PCDH9: variants seen among roughly 807,000 people sequenced by gnomAD.
The protein encoded by PCDH9 is protocadherin-9.
In PCDH9, 24 loss-of-function variants were observed where a neutral mutation model predicts 70.6. The observed-to-expected ratio is 0.34, with a 90% confidence interval of 0.25 to 0.48. The LOEUF is 0.48. Among genes scored for constraint, PCDH9 ranks in the 20% least tolerant of loss-of-function variants. The pLI is 0.99. For missense variants in PCDH9, 1,281 were observed against 1,503.6 expected (o/e 0.85, Z 2.45); for synonymous variants, 562 against 558.5 (o/e 1.01, Z -0.09).
chr13:67,099,988 C>T (rs1255072853), intron 2 of PCDH9, among the ~76,000 whole-genome samples: 1 of 152,114 alleles, frequency 6.6e-6, no homozygotes, highest in African/African-American at 2.4e-5. Context: ...ACACACTCTT[C>T]CTCGTGATGT....
At chr13:66,666,710 AT>A (rs2139029248) in intron 3 of PCDH9, among the ~76,000 whole-genome samples, 1 of 152,316 alleles carries the variant, frequency 6.6e-6, no homozygotes, top group East Asian at 1.9e-4. Flanking sequence ...ATTAATACTG[AT>A]TCAAAATACA....
chr13:66,953,052 G>A (rs1293613293), intron 2 of PCDH9, among the ~76,000 whole-genome samples: 1 of 150,332 alleles, frequency 6.7e-6, no homozygotes, highest in African/African-American at 2.4e-5. Flanking sequence ...TGTAATTAAA[G>A]CATATGAATT....
chr13:67,071,888 C>CAAAAAAAAAAAAAAA (rs5804309), intron 2 of PCDH9, among the ~76,000 whole-genome samples: 88 of 86,642 alleles, frequency 1.0e-3, no homozygotes, highest in African/African-American at 1.4e-3. Flanking sequence ...GACTTTGTCT[C>CAAAAAAAAAAAAAAA]AAAAAAAAAA....
chr13:66,624,338 A>G (rs1401783391), intron 4 of PCDH9, among the ~76,000 whole-genome samples: 1 of 152,218 alleles, frequency 6.6e-6, no homozygotes, highest in Non-Finnish European at 1.5e-5. Flanking sequence ...TTCTTAAGTA[A>G]ATATGATTTA....
At chr13:66,379,880 C>CA (rs1956814107) in intron 4 of PCDH9, among the ~76,000 whole-genome samples, 2 of 151,482 alleles carry the variant, frequency 1.3e-5, no homozygotes, top group South Asian at 4.2e-4. Context: ...TTAAAAAAAA[C>CA]AAAAAAAGCA....
chr13:66,979,667 C>A (rs949325097), intron 2 of PCDH9, among the ~76,000 whole-genome samples: 1 of 152,112 alleles, frequency 6.6e-6, no homozygotes, highest in Non-Finnish European at 1.5e-5. Flanking sequence ...TCATTCATGT[C>A]CAAAATTCTT....
chr13:66,568,446 C>T (rs778733382), intron 4 of PCDH9, among the ~76,000 whole-genome samples: 6 of 150,040 alleles, frequency 4.0e-5, no homozygotes, highest in Admixed American at 1.3e-4. Context: ...CGCACACACA[C>T]ACACATACAC....
At chr13:66,329,698 C>A (rs761098723) in intron 4 of PCDH9, among the ~76,000 whole-genome samples, 3 of 152,142 alleles carry the variant, frequency 2.0e-5, no homozygotes, top group Admixed American at 2.0e-4. Flanking sequence ...TGTTTCTCAG[C>A]TCTTAATAGA....
At chr13:66,543,281 A>G (rs1961041920) in intron 4 of PCDH9, among the ~76,000 whole-genome samples, 2 of 152,130 alleles carry the variant, frequency 1.3e-5, no homozygotes, top group Admixed American at 1.3e-4. Flanking sequence ...TTATATGAGT[A>G]AAATGATGGC....
At chr13:66,376,253 T>G (rs1956744734) in intron 4 of PCDH9, among the ~76,000 whole-genome samples, 1 of 152,102 alleles carries the variant, frequency 6.6e-6, no homozygotes, top group Admixed American at 6.6e-5. Context: ...GGGTGTCTTT[T>G]GTAGTCTGAA....
At chr13:66,926,768 C>T (rs1350711185) in intron 2 of PCDH9, among the ~76,000 whole-genome samples, 1 of 152,074 alleles carries the variant, frequency 6.6e-6, no homozygotes, top group Non-Finnish European at 1.5e-5. Flanking sequence ...ATGTGCTACA[C>T]ACTACAATTT....
At chr13:66,800,879 A>T (rs2139339469) in intron 3 of PCDH9, among the ~76,000 whole-genome samples, 1 of 152,280 alleles carries the variant, frequency 6.6e-6, no homozygotes, top group Admixed American at 6.5e-5. Flanking sequence ...TGAAGATCAA[A>T]CAAGCTGATA....
At chr13:66,968,389 A>T (rs1482746459) in intron 2 of PCDH9, among the ~76,000 whole-genome samples, 6 of 152,142 alleles carry the variant, frequency 3.9e-5, no homozygotes, top group South Asian at 2.1e-4. Context: ...CCAAGATTCC[A>T]TTAGCTTTTC....
At chr13:67,162,962 G>A (rs1425943271) in intron 2 of PCDH9, among the ~76,000 whole-genome samples, 1 of 152,108 alleles carries the variant, frequency 6.6e-6, no homozygotes, top group African/African-American at 2.4e-5. Flanking sequence ...TACTTTTGCA[G>A]CTCTTTATTT....
intron 3 of PCDH9, among the ~76,000 whole-genome samples, chr13:66,843,187 T>C (rs2139433495): frequency 6.6e-6 from 1 of 152,324 alleles, no homozygotes; most frequent in African/African-American, 2.4e-5. Context: ...ATTCCCTGCT[T>C]TGAGATTTAA....
At chr13:67,216,351 G>C (rs1269865971) in intron 2 of PCDH9, 1 of 151,834 alleles carries the variant, frequency 6.6e-6, no homozygotes, top group Non-Finnish European at 1.5e-5. Flanking sequence ...CCTAAAAATT[G>C]TGTCAATTTT....
intron 2 of PCDH9, among the ~76,000 whole-genome samples, chr13:67,046,590 T>C (rs1409106321): frequency 6.6e-6 from 1 of 152,134 alleles, no homozygotes; most frequent in Admixed American, 6.6e-5. Context: ...TTTTTTTCAT[T>C]TATTTTATCA....
intron 2 of PCDH9, among the ~76,000 whole-genome samples, chr13:67,187,864 T>C (rs1274578065): frequency 6.6e-6 from 1 of 152,080 alleles, no homozygotes; most frequent in Non-Finnish European, 1.5e-5. Context: ...AATGGGGTAA[T>C]TGAGATATCC....
At chr13:66,679,175 A>G (rs1341124902) in intron 3 of PCDH9, among the ~76,000 whole-genome samples, 1 of 151,732 alleles carries the variant, frequency 6.6e-6, no homozygotes, top group African/African-American at 2.4e-5. Context: ...TACTGTACAT[A>G]TAATTATATT....
Sources: gnomAD v4.1 joint callset for allele counts (sites outside exome capture counted in the v4.1 genomes callset) on GRCh38, gnomAD v4.1.1 for gene constraint, MANE v1.5 for transcripts, NCBI Gene and HGNC (gene_info 2026-07-23, HGNC 2026-07-21) for gene names.